Variants in SF3B2 observed in about 807,000 individuals in gnomAD.
SF3B2 encodes the protein splicing factor 3b subunit 2.
In SF3B2, 22 loss-of-function variants were observed where a neutral mutation model predicts 116.3. The ratio of observed to expected loss-of-function variants is 0.19; its 90% confidence interval spans 0.14 to 0.27. SF3B2 has a LOEUF of 0.27. SF3B2 is among the 10% of genes least tolerant of loss of function. The probability of loss-of-function intolerance (pLI) is 1.00; values close to 1 mark genes in which losing one functional copy is unlikely to be tolerated. For missense variants in SF3B2, 767 were observed against 1,151.4 expected (o/e 0.67, Z 4.83); for synonymous variants, 406 against 421.6 (o/e 0.96, Z 0.45).
At position 66,068,701 on chromosome 11, in the gene SF3B2, G is replaced by C; in HGVS notation, c.2644G>C (p.Asp882His). 6.2e-7 allele frequency: 1 copy of C among 1,614,096 alleles called. No homozygotes were observed. Among genetic ancestry groups the C allele is most frequent in the Non-Finnish European group, 8.5e-7 (1 of 1,180,020 alleles). The change falls in exon 22 of 22, where the codon GAC becomes CAC. Residue 882 changes from aspartate to histidine, a missense_variant. By Grantham distance (81) the Asp-to-His change is moderately conservative (BLOSUM62 -1). This residue lies in a region of SF3B2 where 27 missense variants were observed against 28.0 expected (regional missense o/e 0.96). Transcript: ENST00000322535. ...KQKKRKAQPQ[D>H]SRGGSKKYKE... ...AAAAAAACGGAAAGCTCAGCCCCAG[G>C]ACAGCCGTGGGGGCAGCAAGAAATA...
At chr11:66,066,186 T>G (rs1857180412) in intron 19 of SF3B2, 1 of 152,204 alleles carries the variant, frequency 6.6e-6, no homozygotes, top group Non-Finnish European at 1.5e-5. Context: ...TAACAACATT[T>G]TAATGTATTG....
intron 4 of SF3B2, 76 bp from the exon 5 acceptor site, chr11:66,055,459 A>T (rs1856977007): frequency 6.2e-7 from 1 of 1,600,592 alleles, no homozygotes; most frequent in Non-Finnish European, 8.6e-7. Flanking sequence ...CTGGAAGAGG[A>T]TCTCAAGAAG....
In SF3B2 at chr11:66,058,359, C is replaced by T. The variant is rs1040369668; in HGVS notation, c.920C>T (p.Ser307Leu). Residue 307 changes from serine (S) to leucine (L), a missense_variant, in exon 9 of 22, where the codon TCA (serine) becomes TTA (leucine). This residue lies in a region of SF3B2 where 455 missense variants were observed against 537.5 expected (regional missense o/e 0.85). Coordinates refer to ENST00000322535, the MANE Select transcript of SF3B2 (RefSeq NM_006842.3). ...ETDARSSLGQ[S>L]ASETEEDTVS... ...GATGCTCGCTCGTCCCTGGGCCAGT[C>T]AGCGTCAGAGACTGAGGAGGACACA... 3.1e-6 allele frequency: 5 copies of T among 1,613,928 alleles called. No individual in the cohort carries two copies. The highest frequency in any genetic ancestry group is 4.2e-6 in the Non-Finnish European group (5 of 1,180,020).
chr11:66,060,063 C>T (rs1346772015), intron 13 of SF3B2, 54 bp downstream of exon 13: 5 of 1,496,656 alleles, frequency 3.3e-6, no homozygotes, highest in South Asian at 1.2e-5. Context: ...TCCTTCATAG[C>T]AGTGTGCTTC....
chr11:66,060,274 C>A (rs181096653), intron 13 of SF3B2, among the ~76,000 whole-genome samples: 58 of 152,282 alleles, frequency 3.8e-4, no homozygotes, highest in African/African-American at 1.3e-3. Context: ...TAGTTAAATG[C>A]TTTGAATTCA....
At chr11:66,057,528 C>G (rs930427497) in intron 7 of SF3B2, among the ~76,000 whole-genome samples, 153 bp downstream of exon 7, 3 of 152,064 alleles carry the variant, frequency 2.0e-5, no homozygotes, top group African/African-American at 4.8e-5. Flanking sequence ...AAGGGTATGG[C>G]AGAGGGACTG....
chr11:66,060,526 C>A, intron 13 of SF3B2, 56 bp from the exon 14 acceptor site: 1 of 1,599,476 alleles, frequency 6.3e-7, no homozygotes, highest in Non-Finnish European at 8.6e-7. Context: ...GAGCTGGATT[C>A]TCTACATGAA....
In SF3B2 at chr11:66,055,381, G is replaced by A. The variant is rs887053921; in HGVS notation, c.498+66G>A. 6.3e-6 allele frequency: 10 copies of A among 1,589,522 alleles called. No homozygotes were observed. In the African/African-American group the frequency reaches 9.4e-5, roughly 15 times the overall value. ...CCTGAAGGGGCAGTGGAGCCTTAGAGAAAGCTGGGTCCTAGAACTAAGGCT... is the reference window on the plus strand; with the variant it reads ...CCTGAAGGGGCAGTGGAGCCTTAGAAAAAGCTGGGTCCTAGAACTAAGGCT... On this transcript the variant is annotated intron_variant, in intron 4 of 21. Transcript: ENST00000322535.
rs758223089 is a variant in SF3B2 at position 66,056,863 on chromosome 11, G to A, written c.575G>A (p.Arg192Gln). 5.6e-6 allele frequency: 9 copies of A among 1,613,884 alleles called. No individual in the cohort carries two copies. The highest frequency in any genetic ancestry group is 5.3e-5 in the African/African-American group (4 of 74,888). ...GCAGCTGTGTTACTGGAGCAGGAAC[G>A]ACAGCAGGAGATTGCCAAGATGGGC... ...KRAAVLLEQE[R>Q]QQEIAKMGTP... Residue 192 changes from arginine (R) to glutamine (Q), a missense_variant, in exon 6 of 22, where the codon CGA (arginine) becomes CAA (glutamine). By Grantham distance (43) the Arg-to-Gln change is conservative. Transcript: ENST00000322535.
intron 19 of SF3B2, 103 bp from the exon 20 acceptor site, chr11:66,067,843 T>G: frequency 1.2e-6 from 1 of 852,548 alleles, no homozygotes; most frequent in African/African-American, 1.7e-5. Context: ...GCTCAGAAGC[T>G]CTCCAAGGCG....
At chr11:66,052,543 C>A (rs1371614459) in intron 1 of SF3B2, 26 bp downstream of exon 1, 6 of 1,603,350 alleles carry the variant, frequency 3.7e-6, no homozygotes, top group East Asian at 2.2e-5. Flanking sequence ...AGTCGAGGGG[C>A]CTTTACGGGC....
In SF3B2 at chr11:66,061,965, G is replaced by A; in HGVS notation, c.1944G>A (p.Leu648=). 1 of 1,613,476 alleles carries A rather than the reference G, an allele frequency of 6.2e-7. No homozygotes were observed. Among genetic ancestry groups the A allele is most frequent in the East Asian group, 2.2e-5 (1 of 44,864 alleles). ...RYGPPPSYPN[L]KIPGLNSPIP... Reference sequence around the variant, plus strand: ...GACCACCCCCATCGTATCCCAACCTGAAAATCCCTGGGCTGAACTCGCCCA... The same window carrying A: ...GACCACCCCCATCGTATCCCAACCTAAAAATCCCTGGGCTGAACTCGCCCA... The change falls in exon 16 of 22, where the codon CTG becomes CTA. Residue 648 remains leucine (L), a synonymous_variant. Transcript: ENST00000322535.
Position 66,059,195 on chromosome 11 carries a change from C to G in SF3B2, c.1183-6C>G. The G allele has an allele frequency of 6.2e-7, 1 of 1,614,026 alleles. No individual in the cohort carries two copies. The highest frequency in any genetic ancestry group is 8.5e-7 in the Non-Finnish European group (1 of 1,180,012). On this transcript the variant is annotated splice_polypyrimidine_tract_variant and splice_region_variant and intron_variant, in intron 10 of 21. Coordinates refer to ENST00000322535, the MANE Select transcript of SF3B2 (RefSeq NM_006842.3). This position sits in a 1 kb window ranked among gnomAD's most constrained non-coding sequence, Gnocchi z 5.0. ...GGCAGGGGTTTCACCTTGTCTGCCT[C>G]CTTAGCTCACTGATGATGTGAAGAA...
chr11:66,062,420 T>C (rs1857114044), intron 16 of SF3B2, among the ~76,000 whole-genome samples: 1 of 151,764 alleles, frequency 6.6e-6, no homozygotes, highest in Admixed American at 6.6e-5. Flanking sequence ...GAGGATCCCT[T>C]GGGGCCAGGG....
intron 19 of SF3B2, 55 bp downstream of exon 19, chr11:66,063,784 C>A: frequency 7.2e-7 from 1 of 1,389,230 alleles, no homozygotes; most frequent in Non-Finnish European, 9.8e-7. Context: ...CTTTGGCTGG[C>A]TGGCTGACTG....
At chr11:66,052,929 A>G (rs893747680) in intron 2 of SF3B2, 98 bp from the exon 3 acceptor site, 36 of 1,324,624 alleles carry the variant, frequency 2.7e-5, no homozygotes, top group Non-Finnish European at 3.5e-5. Flanking sequence ...GCGCTGGCAG[A>G]CAGGCACTGG....
In SF3B2 at chr11:66,063,428, G is replaced by A. The variant is rs756257100; in HGVS notation, c.2114G>A (p.Arg705Gln). The A allele has an allele frequency of 6.2e-6, 10 of 1,613,614 alleles. No homozygotes were observed. The highest frequency in any genetic ancestry group is 2.2e-5 in the South Asian group (2 of 91,056). The change falls in exon 18 of 22, where the codon CGG (arginine) becomes CAG (glutamine). Residue 705 changes from arginine (R) to glutamine (Q), a missense_variant. Physicochemically the swap from Arg to Gln is conservative, Grantham distance 43. Around this residue, in one of 4 missense-constraint regions of SF3B2, gnomAD observed 282 missense variants for 568.0 expected, o/e 0.50. Coordinates refer to ENST00000322535, the MANE Select transcript of SF3B2 (RefSeq NM_006842.3). Reference protein sequence around the residue: ...QTKTEEEEIDRTPWGELEPSD... With the variant: ...QTKTEEEEIDQTPWGELEPSD... ...AAGACTGAGGAAGAAGAGATTGATC[G>A]GACCCCTTGGGGGGAACTGGAACCA...
At chr11:66,061,072 A>G (rs1157658279) in intron 14 of SF3B2, among the ~76,000 whole-genome samples, 2 of 152,200 alleles carry the variant, frequency 1.3e-5, no homozygotes, top group Non-Finnish European at 2.9e-5. Context: ...CTGGGTTTAT[A>G]GGCATGAACC....
Position 66,059,760 on chromosome 11 carries a change from C to A in SF3B2, c.1402-22C>A. The A allele has an allele frequency of 6.2e-7, 1 of 1,613,130 alleles. No homozygotes were observed. Among genetic ancestry groups the A allele is most frequent in the South Asian group, 1.1e-5 (1 of 91,050 alleles). ...TGAGAAGTCGGGGCTCTCGAGAACACGCATTACTATGTGTTTTCCAGCTGG... is the reference window on the plus strand; with the variant it reads ...TGAGAAGTCGGGGCTCTCGAGAACAAGCATTACTATGTGTTTTCCAGCTGG... On this transcript the variant is annotated intron_variant, in intron 12 of 21. Transcript: ENST00000322535. The surrounding 1 kb of genome is among the most constrained non-coding windows in gnomAD (Gnocchi z 5.0).
Sources: allele counts gnomAD v4.1 joint callset (sites outside exome capture counted in the v4.1 genomes callset), GRCh38; gene constraint gnomAD v4.1.1; regional missense constraint gnomAD v4.1.1; non-coding constraint Gnocchi (gnomAD v3.1); transcripts MANE v1.5; gene names NCBI Gene and HGNC (gene_info 2026-07-23, HGNC 2026-07-21).